The following ERC1 variants were observed in gnomAD, a reference collection of about 807,000 sequenced individuals.
ERC1 encodes RAB6 interacting protein 2.
ERC1 carries 56 observed loss-of-function variants against 132.0 expected under a neutral mutation model. That is an observed-to-expected ratio of 0.42 (90% CI 0.34 to 0.53). ERC1 has a LOEUF of 0.53. ERC1 is among the 20% of genes least tolerant of loss of function. The pLI, the probability that ERC1 is intolerant of heterozygous loss-of-function variation, is 0.03. For synonymous variants in ERC1, 478 were observed against 476.1 expected (o/e 1.00, Z -0.05); for missense variants, 1,202 against 1,349.9 (o/e 0.89, Z 1.72).
At chr12:1,217,468 CTGCTGCCATTCCTAGACAGTGTCATTTCT>C (rs1958534958) in intron 12 of ERC1, among the ~76,000 whole-genome samples, 1 of 152,186 alleles carries the variant, frequency 6.6e-6, no homozygotes, top group Admixed American at 6.5e-5. Flanking sequence ...TTCCTCTAGC[CTGCTGCCATTCCTAGACAGTGTCATTTCT>C]CTGATTTAGG....
At chr12:1,449,783 G>A (rs960398486) in intron 18 of ERC1, among the ~76,000 whole-genome samples, 4 of 151,986 alleles carry the variant, frequency 2.6e-5, no homozygotes, top group Non-Finnish European at 4.4e-5. Context: ...TATAATTATT[G>A]ACACAGTAAA....
chr12:1,338,191 C>T (rs970261299), intron 15 of ERC1, among the ~76,000 whole-genome samples: 1 of 152,200 alleles, frequency 6.6e-6, no homozygotes, highest in Non-Finnish European at 1.5e-5. Context: ...GATTTGGTCT[C>T]TTTATATAAT....
chr12:1,173,708 A>G (rs1422844881), intron 8 of ERC1, among the ~76,000 whole-genome samples: 1 of 152,262 alleles, frequency 6.6e-6, no homozygotes, highest in East Asian at 1.9e-4. Flanking sequence ...AACAGCATTT[A>G]TAACCTCAAC....
At chr12:1,129,365 A>AC (rs1566038549) in intron 7 of ERC1, among the ~76,000 whole-genome samples, 1 of 88,770 alleles carries the variant, frequency 1.1e-5, no homozygotes, top group East Asian at 8.1e-4. Flanking sequence ...GGCAACAACA[A>AC]GAAAAAAAAC....
rs2094308336 is a variant in ERC1 at position 1,490,560 on chromosome 12, C to T, written c.*330C>T. The T allele has an allele frequency of 3.2e-6, 1 of 308,702 alleles. No homozygotes were observed. Among genetic ancestry groups the T allele is most frequent in the Admixed American group, 4.3e-5 (1 of 23,040 alleles). The allele number at this position is 308,702 out of a possible 1,614,324, so 19.1% of individuals were successfully genotyped here. On this transcript the variant is annotated 3_prime_UTR_variant, in exon 19 of 19. Coordinates refer to ENST00000360905, the MANE Select transcript of ERC1 (RefSeq NM_178040.4). Reference sequence around the variant, plus strand: ...GACAGAGAGCCATGGAGCAGAGGAGCCTCTCACCTCCTGTCCTCTGACATG... The same window carrying T: ...GACAGAGAGCCATGGAGCAGAGGAGTCTCTCACCTCCTGTCCTCTGACATG...
intron 18 of ERC1, among the ~76,000 whole-genome samples, chr12:1,460,938 G>T (rs1337095805): frequency 7.5e-6 from 1 of 133,312 alleles, no homozygotes; most frequent in African/African-American, 2.8e-5. Flanking sequence ...ATAAAGACTT[G>T]CCTAAACGAT....
intron 3 of ERC1, among the ~76,000 whole-genome samples, chr12:1,096,200 T>C (rs1336405960): frequency 6.6e-6 from 1 of 152,172 alleles, no homozygotes; most frequent in East Asian, 1.9e-4. Flanking sequence ...AGTGTTTGGA[T>C]TACAGGCATG....
chr12:1,227,269 T>TCTCCAC (rs1456496913), intron 12 of ERC1, among the ~76,000 whole-genome samples: 1 of 152,238 alleles, frequency 6.6e-6, no homozygotes, highest in African/African-American at 2.4e-5. Context: ...GATTCTCTTT[T>TCTCCAC]CTCCACATCC....
intron 2 of ERC1, among the ~76,000 whole-genome samples, chr12:1,061,262 G>C (rs1282256158): frequency 1.3e-5 from 2 of 151,900 alleles, no homozygotes; most frequent in African/African-American, 4.8e-5. Flanking sequence ...TCTCTTCTTA[G>C]TCTAGCTAAT....
chr12:1,383,133 A>G (rs1183051312), intron 16 of ERC1, among the ~76,000 whole-genome samples: 1 of 152,192 alleles, frequency 6.6e-6, no homozygotes, highest in Non-Finnish European at 1.5e-5. Context: ...ATGATGCCAC[A>G]GGGAATTAAT....
intron 13 of ERC1, among the ~76,000 whole-genome samples, chr12:1,250,204 T>A (rs528266544): frequency 6.6e-6 from 1 of 152,234 alleles, no homozygotes; most frequent in South Asian, 2.1e-4. Flanking sequence ...GTTTTCCTAA[T>A]GTATGCTCTT....
rs1955526054 is a variant in ERC1 at position 1,189,847 on chromosome 12, T to A, written c.2158-12T>A. 1.5e-5 allele frequency: 23 copies of A among 1,583,818 alleles called. No individual in the cohort carries two copies. The highest frequency in any genetic ancestry group is 2.0e-5 in the Non-Finnish European group (23 of 1,164,132). On this transcript the variant is annotated splice_polypyrimidine_tract_variant and intron_variant, in intron 11 of 18. Transcript: ENST00000360905. ...TGTGTATCTGATAGGATTGAAATGC[T>A]TTTCTTTGTAGGCACATGAGGCAGC...
chr12:1,289,806 G>T lies in ERC1; in HGVS notation c.2620-46G>T, dbSNP rs745833630. On this transcript the variant is annotated intron_variant, in intron 14 of 18. Coordinates refer to ENST00000360905, the MANE Select transcript of ERC1 (RefSeq NM_178040.4). ...CGTGTTACCCAGGTCCTCTGACTCTGATTGATCAAGACACTCTGTTGTTCT... is the reference window on the plus strand; with the variant it reads ...CGTGTTACCCAGGTCCTCTGACTCTTATTGATCAAGACACTCTGTTGTTCT... 31 of 1,553,626 alleles carry T rather than the reference G, an allele frequency of 2.0e-5. No individual in the cohort carries two copies. In the South Asian group the frequency reaches 3.3e-4, roughly 16 times the overall value.
At chr12:1,068,336 AG>A (rs1344320798) in intron 2 of ERC1, among the ~76,000 whole-genome samples, 2 of 152,204 alleles carry the variant, frequency 1.3e-5, no homozygotes, top group Non-Finnish European at 2.9e-5. Context: ...TTGTACACTA[AG>A]GTGCCAAAAT....
chr12:1,117,466 C>T (rs928358859), intron 7 of ERC1, among the ~76,000 whole-genome samples: 4 of 152,164 alleles, frequency 2.6e-5, no homozygotes, highest in African/African-American at 9.7e-5. Flanking sequence ...TTCTACCTCA[C>T]AGAGATATTT....
chr12:1,494,445 A>G lies in ERC1; in HGVS notation c.*4215A>G, dbSNP rs1054825821. On this transcript the variant is annotated 3_prime_UTR_variant, in exon 19 of 19. Coordinates refer to ENST00000360905, the MANE Select transcript of ERC1 (RefSeq NM_178040.4). Reference sequence around the variant, plus strand: ...CTGAACAAAATGGCTGTCTTCACCTACTCTTCTTGCAAGAAAAGACATACA... The same window carrying G: ...CTGAACAAAATGGCTGTCTTCACCTGCTCTTCTTGCAAGAAAAGACATACA... 2 of 232,246 alleles carry G rather than the reference A, an allele frequency of 8.6e-6. No homozygotes were observed. The highest frequency in any genetic ancestry group is 4.4e-5 in the African/African-American group (2 of 45,298). The allele number at this position is 232,246 out of a possible 1,614,324, so 14.4% of individuals were successfully genotyped here. A position where few individuals can be genotyped will look rare whatever the true frequency, so the allele number is the denominator to read the frequency against.
At chr12:1,467,501 T>C (rs941422978) in intron 18 of ERC1, among the ~76,000 whole-genome samples, 2 of 152,268 alleles carry the variant, frequency 1.3e-5, no homozygotes, top group Non-Finnish European at 2.9e-5. Flanking sequence ...TCTTTATTCT[T>C]AGGATTCTCC....
At chr12:1,103,027 T>C (rs1309412905) in intron 3 of ERC1, among the ~76,000 whole-genome samples, 1 of 152,238 alleles carries the variant, frequency 6.6e-6, no homozygotes, top group Non-Finnish European at 1.5e-5. Context: ...CTCTTTTCTT[T>C]ACCAAAGATT....
chr12:1,490,120 C>G lies in ERC1; in HGVS notation c.3241C>G (p.Arg1081Gly). ...TCAGGATGAGTTAGAGAAAGGTGAA[C>G]GGGACAATGCAGAACTGCAGGAGTT... ...QLQDELEKGE[R>G]DNAELQEFAN... Residue 1081 changes from arginine (R) to glycine (G), a missense_variant, in exon 19 of 19, where the codon CGG (arginine) becomes GGG (glycine). By Grantham distance (125) the Arg-to-Gly change is moderately radical. Coordinates refer to ENST00000360905, the MANE Select transcript of ERC1 (RefSeq NM_178040.4). 1 of 1,614,066 alleles carries G rather than the reference C, an allele frequency of 6.2e-7. No individual in the cohort carries two copies. Among genetic ancestry groups the G allele is most frequent in the Non-Finnish European group, 8.5e-7 (1 of 1,179,966 alleles).
Sources: gnomAD v4.1 joint callset for allele counts (sites outside exome capture counted in the v4.1 genomes callset) on GRCh38, gnomAD v4.1.1 for gene constraint, MANE v1.5 for transcripts, NCBI Gene and HGNC (gene_info 2026-07-23, HGNC 2026-07-21) for gene names.